The following PACRGL variants were observed in gnomAD, a reference collection of about 807,000 sequenced individuals.
PACRGL encodes PACRG-like protein.
Under a neutral mutation model 34.5 loss-of-function variants are expected in PACRGL, and 38 were observed. The observed-to-expected ratio is 1.10, with a 90% CI of 0.85 to 1.44. The LOEUF is 1.44. Ranked by LOEUF, PACRGL falls within the 40% of genes most tolerant of loss-of-function variation. The probability of loss-of-function intolerance (pLI) is 0.00; values close to 1 mark genes in which losing one functional copy is unlikely to be tolerated. For missense variants in PACRGL, 305 were observed against 281.4 expected (o/e 1.08, Z -0.60); for synonymous variants, 128 against 100.1 (o/e 1.28, Z -1.66).
At chr4:20,754,903 C>G (rs1466526224), downstream of PACRGL, among the ~76,000 whole-genome samples, 1 of 152,082 alleles carries the variant, frequency 6.6e-6, no homozygotes, top group East Asian at 1.9e-4. Flanking sequence ...TGCATTGGTG[C>G]TTTGATATTA....
rs145167444 is a variant in PACRGL at position 20,730,537 on chromosome 4, G to A, written c.*3196G>A. Among the ~76,000 whole-genome samples the A allele has an allele frequency of 2.3e-3, 354 of 152,036 alleles. 8 individuals carry two copies. In the South Asian group the frequency reaches 0.046, roughly 20 times the overall value. ...ATACAGGTACAAGGAAAATTTGTGT[G>A]TATGAGCCAGCAGTTCATGAAGATT... On this transcript the variant is annotated 3_prime_UTR_variant, in exon 9 of 9. Transcript: ENST00000503585.
intron 8 of PACRGL, among the ~76,000 whole-genome samples, chr4:20,738,868 G>C (rs1435535375): frequency 6.6e-6 from 1 of 152,188 alleles, no homozygotes; most frequent in Non-Finnish European, 1.5e-5. Flanking sequence ...ATGGTACCTG[G>C]AGAATCAGGA....
downstream of PACRGL, chr4:20,734,567 T>A: frequency 1.2e-6 from 1 of 821,082 alleles, no homozygotes; most frequent in Non-Finnish European, 1.9e-6. Flanking sequence ...GCAATTAATA[T>A]TTTAAAGTTA....
downstream of PACRGL, among the ~76,000 whole-genome samples, chr4:20,753,854 G>C (rs1754053439): frequency 6.6e-6 from 1 of 152,122 alleles, no homozygotes; most frequent in Non-Finnish European, 1.5e-5. Flanking sequence ...CTTGCATACA[G>C]CGGCTGCTTA....
At chr4:20,743,814 A>G (rs1316080362) in intron 8 of PACRGL, among the ~76,000 whole-genome samples, 2 of 152,260 alleles carry the variant, frequency 1.3e-5, no homozygotes, top group African/African-American at 4.8e-5. Flanking sequence ...AAAAGAAACT[A>G]CCATCAGAGT....
chr4:20,732,756 G>A (rs758934908), downstream of PACRGL: 33 of 1,609,990 alleles, frequency 2.0e-5, no homozygotes, highest in Admixed American at 5.0e-5. Context: ...CCATCATATC[G>A]TATATTGCTT....
At position 20,729,205 on chromosome 4, in the gene PACRGL, T is replaced by TTACTTGTTATTAAGCATTACTATATAC. The variant is rs1747065888; in HGVS notation, c.*1866_*1892dup. ...GATTTGGCCTTTAATGCTGTTAGGATTACTTGTTATTAAGCATTACTATAT... is the reference window on the plus strand; with the variant it reads ...GATTTGGCCTTTAATGCTGTTAGGATTACTTGTTATTAAGCATTACTATATACTACTTGTTATTAAGCATTACTATAT... On this transcript the variant is annotated 3_prime_UTR_variant, in exon 9 of 9. Coordinates refer to ENST00000503585, the MANE Select transcript of PACRGL (RefSeq NM_001258345.3). The TTACTTGTTATTAAGCATTACTATATAC allele has an allele frequency of 1.3e-5, 2 of 151,944 alleles. No homozygotes were observed. Among genetic ancestry groups the TTACTTGTTATTAAGCATTACTATATAC allele is most frequent in the African/African-American group, 4.8e-5 (2 of 41,394 alleles). The allele number at this position is 151,944 out of a possible 1,614,324, so 9.4% of individuals were successfully genotyped here. A position where few individuals can be genotyped will look rare whatever the true frequency, so the allele number is the denominator to read the frequency against.
At chr4:20,696,673 T>C (rs1407802271), upstream of PACRGL, among the ~76,000 whole-genome samples, 2 of 152,242 alleles carry the variant, frequency 1.3e-5, no homozygotes, top group African/African-American at 2.4e-5. Context: ...CAGTATGTAC[T>C]CTCTAGCTAT....
intron 7 of PACRGL, among the ~76,000 whole-genome samples, chr4:20,722,413 C>T (rs935092183): frequency 6.6e-6 from 1 of 152,192 alleles, no homozygotes; most frequent in Admixed American, 6.5e-5. Context: ...TGTTTTGCGT[C>T]ACTCACGCTG....
chr4:20,736,253 T>G (rs1749602661), downstream of PACRGL, among the ~76,000 whole-genome samples: 1 of 152,206 alleles, frequency 6.6e-6, no homozygotes, highest in Non-Finnish European at 1.5e-5. Context: ...TTTTTCCACT[T>G]AAGCATAAAT....
chr4:20,713,223 G>C (rs1738148453), intron 6 of PACRGL: 1 of 575,528 alleles, frequency 1.7e-6, no homozygotes, highest in Non-Finnish European at 3.0e-6. Context: ...TAATGCTTCA[G>C]TCAGATGGAA....
chr4:20,725,894 T>C (rs1745422423), intron 8 of PACRGL, among the ~76,000 whole-genome samples: 2 of 152,010 alleles, frequency 1.3e-5, no homozygotes, highest in South Asian at 2.1e-4. Context: ...AGACACCTTG[T>C]TGAGGAGATG....
At chr4:20,765,704 C>T in the PACRGL span, among the ~76,000 whole-genome samples, 2 of 152,116 alleles carry the variant, frequency 1.3e-5, no homozygotes, top group Admixed American at 1.3e-4. Flanking sequence ...CTATGATGAC[C>T]ATTGCATTTC....
Position 20,729,836 on chromosome 4 carries a change from T to C in PACRGL, c.*2495T>C. The C allele has an allele frequency of 2.6e-6, 1 of 377,896 alleles. No homozygotes were observed. Among genetic ancestry groups the C allele is most frequent in the South Asian group, 1.1e-4 (1 of 9,482 alleles). 23.4% of individuals were successfully genotyped at this position (377,896 alleles called of 1,614,324 possible). A position where few individuals can be genotyped will look rare whatever the true frequency, so the allele number is the denominator to read the frequency against. ...AACTATATGCCAGATTCTATTACTT[T>C]TGAATATTCACAGAGTATGAAATGA... On this transcript the variant is annotated 3_prime_UTR_variant, in exon 9 of 9. Transcript: ENST00000503585.
At position 20,730,536 on chromosome 4, in the gene PACRGL, T is replaced by TGTATGAGCCAGCAGTTCA. The variant is rs1386055726; in HGVS notation, c.*3196_*3213dup. ...TATACAGGTACAAGGAAAATTTGTG[T>TGTATGAGCCAGCAGTTCA]GTATGAGCCAGCAGTTCATGAAGAT... On this transcript the variant is annotated 3_prime_UTR_variant, in exon 9 of 9. Transcript: ENST00000503585. Among the ~76,000 whole-genome samples, 1 of 151,874 alleles carries TGTATGAGCCAGCAGTTCA rather than the reference T, an allele frequency of 6.6e-6. No individual in the cohort carries two copies. The highest frequency in any genetic ancestry group is 6.6e-5 in the Admixed American group (1 of 15,252).
At chr4:20,697,505 T>C (rs1484942051), upstream of PACRGL, among the ~76,000 whole-genome samples, 1 of 152,156 alleles carries the variant, frequency 6.6e-6, no homozygotes, top group African/African-American at 2.4e-5. Flanking sequence ...GTAACAAAAA[T>C]AGGGCAATTT....
Position 20,706,528 on chromosome 4 carries a change from C to G in PACRGL, c.208-1275C>G, listed in dbSNP as rs144948964. The stretch of plus-strand genomic sequence containing the variant: ...AGAAATTATAACTAGATGAGTGAAA[C>G]ATTCCTCTTGTGAATTGTTACACAT... On this transcript the variant is annotated intron_variant, in intron 3 of 8. Transcript: ENST00000503585. Among the ~76,000 whole-genome samples the G allele has an allele frequency of 1.1e-4, 17 of 151,936 alleles. No individual in the cohort carries two copies. In the East Asian group the frequency reaches 3.3e-3, roughly 29 times the overall value.
At chr4:20,717,719 C>T (rs1296036641) in intron 7 of PACRGL, among the ~76,000 whole-genome samples, 1 of 152,288 alleles carries the variant, frequency 6.6e-6, no homozygotes, top group African/African-American at 2.4e-5. Context: ...CAGTACCATG[C>T]TGTTCTGGTT....
chr4:20,707,882 A>G lies in PACRGL; in HGVS notation c.275+12A>G. The G allele has an allele frequency of 1.3e-6, 2 of 1,593,614 alleles. No homozygotes were observed. Among genetic ancestry groups the G allele is most frequent in the Non-Finnish European group, 1.7e-6 (2 of 1,161,772 alleles). ...GGTATTCCTTGCAGGTAAAATCAATATGATTTATAACTGACCAAATTATTC... is the reference window on the plus strand; with the variant it reads ...GGTATTCCTTGCAGGTAAAATCAATGTGATTTATAACTGACCAAATTATTC... On this transcript the variant is annotated intron_variant, in intron 4 of 8. Transcript: ENST00000503585.
Sources: allele counts gnomAD v4.1 joint callset (sites outside exome capture counted in the v4.1 genomes callset), GRCh38; gene constraint gnomAD v4.1.1; transcripts MANE v1.5; gene names NCBI Gene and HGNC (gene_info 2026-07-23, HGNC 2026-07-21).